The following LRRC9 variants were observed in gnomAD, a reference collection of about 807,000 sequenced individuals.
The protein encoded by LRRC9 is leucine rich repeat containing 9, also known as leucine-rich repeat-containing protein 9.
Under a neutral mutation model 63.2 loss-of-function variants are expected in LRRC9, and 122 were observed. The ratio of observed to expected loss-of-function variants is 1.93; its 90% CI spans 1.67 to 2.24. LRRC9 has a LOEUF of 2.24. LRRC9 is among the 30% of genes most tolerant of loss of function. The pLI is 0.00. For missense variants in LRRC9, 1,071 were observed against 627.7 expected (o/e 1.71, Z -7.55); for synonymous variants, 366 against 213.1 (o/e 1.72, Z -6.25).
intron 17 of LRRC9, among the ~76,000 whole-genome samples, chr14:59,996,212 A>G (rs1282459729): frequency 6.6e-6 from 1 of 151,522 alleles, no homozygotes; most frequent in Non-Finnish European, 1.5e-5. Context: ...TTTTTTTTCT[A>G]AAGTTATGGC....
intron 17 of LRRC9, among the ~76,000 whole-genome samples, chr14:59,988,588 A>G (rs1312639931): frequency 6.6e-6 from 1 of 152,162 alleles, no homozygotes; most frequent in Non-Finnish European, 1.5e-5. Flanking sequence ...TACTTATACT[A>G]TTATCAATAT....
At position 59,922,333 on chromosome 14, in the gene LRRC9, A is replaced by G. The variant is rs987121142; in HGVS notation, c.-34+2450A>G. Among the ~76,000 whole-genome samples the G allele has an allele frequency of 6.6e-6, 1 of 152,166 alleles. No homozygotes were observed. Among genetic ancestry groups the G allele is most frequent in the African/African-American group, 2.4e-5 (1 of 41,442 alleles). ...GTGGCTTGAGGTGTTCTCAGTCCAG[A>G]TGGCAGTGAATCCAGGACTGAAAGC... On this transcript the variant is annotated intron_variant, in intron 1 of 31. Transcript: ENST00000445360. The surrounding 1 kb of genome is among the most constrained non-coding windows in gnomAD (Gnocchi z 5.3).
At chr14:59,996,351 A>G (rs891874754) in intron 17 of LRRC9, among the ~76,000 whole-genome samples, 5 of 152,118 alleles carry the variant, frequency 3.3e-5, no homozygotes, top group Non-Finnish European at 7.4e-5. Context: ...CATTTTCAGA[A>G]ATTTTTTTAG....
chr14:60,063,260 T>C (rs1894772321), intron 31 of LRRC9, 63 bp from the exon 33 acceptor site: 2 of 681,214 alleles, frequency 2.9e-6, no homozygotes, highest in Non-Finnish European at 5.3e-6. Flanking sequence ...TTACCTTAAG[T>C]TAGCTGATCC....
At chr14:60,056,757 C>T (rs909900697) in intron 30 of LRRC9, among the ~76,000 whole-genome samples, 2 of 152,034 alleles carry the variant, frequency 1.3e-5, no homozygotes, top group East Asian at 3.8e-4. Context: ...AGGACTAGAA[C>T]AAAATCAAGC....
chr14:60,035,819 T>C (rs1892382003), intron 29 of LRRC9, among the ~76,000 whole-genome samples: 1 of 152,240 alleles, frequency 6.6e-6, no homozygotes, highest in African/African-American at 2.4e-5. Context: ...GCTTTGGCTA[T>C]TCGGGAACAT....
chr14:60,025,070 T>C (rs866876443), intron 27 of LRRC9, among the ~76,000 whole-genome samples: 9 of 148,038 alleles, frequency 6.1e-5, no homozygotes, highest in African/African-American at 2.2e-4. Context: ...TTGTTTTTGG[T>C]TTTTTTTTTA....
chr14:59,985,246 C>A, intron 17 of LRRC9, 22 bp downstream of exon 17: 1 of 605,746 alleles, frequency 1.7e-6, no homozygotes, highest in South Asian at 1.9e-5. Flanking sequence ...TCCTTTGAAT[C>A]TAAAAAAGTG....
intron 16 of LRRC9, among the ~76,000 whole-genome samples, chr14:59,983,585 T>C (rs1452259585): frequency 6.6e-6 from 1 of 152,154 alleles, no homozygotes; most frequent in Non-Finnish European, 1.5e-5. Context: ...AGAGAAAATA[T>C]TCTTACTGTA....
chr14:59,941,267 G>A (rs1162527435), intron 7 of LRRC9, among the ~76,000 whole-genome samples: 2 of 151,786 alleles, frequency 1.3e-5, no homozygotes, highest in Non-Finnish European at 2.9e-5. Context: ...TGGAAGATGG[G>A]GCAACTGAGA....
rs755971831 is a variant in LRRC9 at position 60,060,673 on chromosome 14, G to A, written c.4277-2650G>A. Among the ~76,000 whole-genome samples the A allele has an allele frequency of 5.9e-5, 9 of 152,062 alleles. No homozygotes were observed. The highest frequency in any genetic ancestry group is 1.3e-4 in the Non-Finnish European group (9 of 68,008). ...AGAGAATGGCATGAACCTGGGAGGCGGAGCTTGCAGTGAACCGAGATCGCG... is the reference window on the plus strand; with the variant it reads ...AGAGAATGGCATGAACCTGGGAGGCAGAGCTTGCAGTGAACCGAGATCGCG... On this transcript the variant is annotated intron_variant, in intron 31 of 31. Coordinates refer to ENST00000445360, the Ensembl canonical transcript of LRRC9. The surrounding 1 kb of genome is among the most constrained non-coding windows in gnomAD (Gnocchi z 4.0).
intron 17 of LRRC9, among the ~76,000 whole-genome samples, chr14:59,996,081 T>C (rs1383897861): frequency 1.3e-5 from 2 of 152,126 alleles, no homozygotes; most frequent in Non-Finnish European, 2.9e-5. Flanking sequence ...TCCCAAATGC[T>C]GGTCTACAGG....
chr14:59,981,372 A>T (rs186035731), intron 15 of LRRC9, among the ~76,000 whole-genome samples: 14 of 152,254 alleles, frequency 9.2e-5, no homozygotes, highest in Admixed American at 9.2e-4. Flanking sequence ...CTGTTTGTTC[A>T]TGTGGCTCTT....
At position 59,938,918 on chromosome 14, in the gene LRRC9, TGC is replaced by T. The variant is rs1442609913; in HGVS notation, c.726+347_726+348del. 9.2e-5 allele frequency among the ~76,000 whole-genome samples: 13 copies of T among 140,708 alleles called. No homozygotes were observed. The East Asian group carries it at 1.3e-3, about 14-fold the overall frequency. 92.3% of individuals were successfully genotyped at this position (140,708 alleles called of 152,430 possible). ...ACATATATATACATATATACACATA[TGC>T]ATATATATACACATATATACATATA... On this transcript the variant is annotated intron_variant, in intron 7 of 31. Transcript: ENST00000445360. The surrounding 1 kb of genome is among the most constrained non-coding windows in gnomAD (Gnocchi z 4.2).
In LRRC9 at chr14:60,006,050, G is replaced by A. The variant is rs564808056; in HGVS notation, c.2843-347G>A. ...GGCTGGTGATTATTTTGAGCTTTGTGTAGAGCTTTTTGTTTTCAAAATGAT... is the reference window on the plus strand; with the variant it reads ...GGCTGGTGATTATTTTGAGCTTTGTATAGAGCTTTTTGTTTTCAAAATGAT... On this transcript the variant is annotated intron_variant, in intron 21 of 31. Coordinates refer to ENST00000445360, the Ensembl canonical transcript of LRRC9. 2.0e-5 allele frequency among the ~76,000 whole-genome samples: 3 copies of A among 152,172 alleles called. No individual in the cohort carries two copies. In the East Asian group the frequency reaches 5.8e-4, roughly 29 times the overall value.
Position 60,029,305 on chromosome 14 carries a change from C to T in LRRC9, c.3921+1204C>T, listed in dbSNP as rs546466562. On this transcript the variant is annotated intron_variant, in intron 28 of 31. Coordinates refer to ENST00000445360, the Ensembl canonical transcript of LRRC9. ...ATGCCTAGTGCCTTCTCAGGCCCTT[C>T]CTTCCCACATCACACACGCCATCGA... Among the ~76,000 whole-genome samples the T allele has an allele frequency of 3.9e-5, 6 of 152,178 alleles. No homozygotes were observed. In the East Asian group the frequency reaches 5.8e-4, roughly 15 times the overall value.
At chr14:59,929,789 C>G (rs1355625962) in intron 3 of LRRC9, among the ~76,000 whole-genome samples, 1 of 152,038 alleles carries the variant, frequency 6.6e-6, no homozygotes, top group East Asian at 1.9e-4. Flanking sequence ...ATGGATGGAG[C>G]TGGAGGCCAT....
rs1203319445 is a variant in LRRC9 at position 60,060,905 on chromosome 14, A to AG, written c.4277-2414dup. 6.6e-6 allele frequency among the ~76,000 whole-genome samples: 1 copy of AG among 152,154 alleles called. No homozygotes were observed. The highest frequency in any genetic ancestry group is 6.5e-5 in the Admixed American group (1 of 15,274). On this transcript the variant is annotated intron_variant, in intron 31 of 31. Transcript: ENST00000445360. This position sits in a 1 kb window ranked among gnomAD's most constrained non-coding sequence, Gnocchi z 4.0. ...CCTAATGGGAGTTTGGATGACTTTGAGGGGTTCAGGACTTCAGTGAAGGAA... is the reference window on the plus strand; with the variant it reads ...CCTAATGGGAGTTTGGATGACTTTGAGGGGGTTCAGGACTTCAGTGAAGGAA...
In LRRC9 at chr14:59,927,950, G is replaced by A. The variant is rs1889349773; in HGVS notation, c.7G>A (p.Glu3Lys). The A allele has an allele frequency of 1.5e-6, 1 of 679,212 alleles. No homozygotes were observed. Among genetic ancestry groups the A allele is most frequent in the South Asian group, 1.6e-5 (1 of 61,998 alleles). The allele number at this position is 679,212 out of a possible 1,614,324, so 42.1% of individuals were successfully genotyped here. Reference sequence around the variant, plus strand: ...TCACTGTTTTTAATGGAAGATGATTGAAAGTGAAAACCTAAACCAAGAAGA... The same window carrying A: ...TCACTGTTTTTAATGGAAGATGATTAAAAGTGAAAACCTAAACCAAGAAGA... Residue 3 changes from glutamate (E) to lysine (K), a missense_variant, in exon 2 of 32, where the codon GAA becomes AAA. Physicochemically the swap from Glu to Lys is moderately conservative, Grantham distance 56. Transcript: ENST00000445360. This position sits in a 1 kb window ranked among gnomAD's most constrained non-coding sequence, Gnocchi z 4.4.
Sources: gnomAD v4.1 joint callset for allele counts (sites outside exome capture counted in the v4.1 genomes callset) on GRCh38, gnomAD v4.1.1 for gene constraint, Gnocchi (gnomAD v3.1) non-coding constraint, MANE v1.5 for transcripts, NCBI Gene and HGNC (gene_info 2026-07-23, HGNC 2026-07-21) for gene names.